The following SATL1 variants were observed in gnomAD, a reference collection of about 807,000 sequenced individuals.
SATL1 encodes the protein spermidine/spermine N1-acetyl transferase like 1, also known as spermidine/spermine N(1)-acetyltransferase-like protein 1.
In SATL1, 47 loss-of-function variants were observed where a neutral mutation model predicts 51.8. The ratio of observed to expected loss-of-function variants is 0.91; its 90% CI spans 0.72 to 1.16. The LOEUF is 1.16. SATL1 is among the 50% of genes most tolerant of loss of function. The pLI is 0.00. For missense variants in SATL1, 520 were observed against 526.4 expected, an observed-to-expected ratio of 0.99 and a Z score of 0.12; for synonymous variants, 176 against 182.4, an observed-to-expected ratio of 0.97 and a Z score of 0.28.
intron 2 of SATL1, among the ~76,000 whole-genome samples, chrX:85,201,365 C>A (rs2147750568): frequency 9.0e-6 from 1 of 111,136 alleles, no homozygotes; most frequent in African/African-American, 3.3e-5. Context: ...GCTTTTAAGG[C>A]CCAATTTTAA....
Position 85,108,915 on chromosome X carries a change from G to A in SATL1, c.54C>T (p.Gly18=), listed in dbSNP as rs1925185044. ...QSSLSDSNQA[G]INQPSTNSLG... ...GTGAGTTTGTGCTTGGCTGGTTTAT[G>A]CCTGCTTGGTTCGAGTCTGATAAAC... The change falls in exon 3 of 8, where the codon GGC becomes GGT. Residue 18 remains glycine, a synonymous_variant. Coordinates refer to ENST00000644105, the MANE Select transcript of SATL1 (RefSeq NM_001367857.2). 6 of 1,210,266 alleles carry A rather than the reference G, an allele frequency of 5.0e-6. No individual in the cohort carries two copies. The African/African-American group carries it at 5.2e-5, about 10-fold the overall frequency.
intron 2 of SATL1, among the ~76,000 whole-genome samples, chrX:85,122,807 C>A (rs1335575024): frequency 2.7e-5 from 3 of 111,250 alleles, no homozygotes; most frequent in African/African-American, 9.8e-5. Flanking sequence ...CTCACCCACT[C>A]CCCACACTTT....
intron 2 of SATL1, among the ~76,000 whole-genome samples, chrX:85,179,394 T>C (rs1314624815): frequency 8.9e-6 from 1 of 111,962 alleles, no homozygotes; most frequent in Non-Finnish European, 1.9e-5. Context: ...TTCCTCATTT[T>C]CCACTTTGGG....
chrX:85,196,999 T>A (rs763679407), intron 2 of SATL1, among the ~76,000 whole-genome samples: 68 of 111,482 alleles, frequency 6.1e-4, no homozygotes, highest in African/African-American at 2.2e-3. Flanking sequence ...AGACTGGAAA[T>A]GATCAAACTT....
intron 2 of SATL1, among the ~76,000 whole-genome samples, chrX:85,187,680 G>A (rs969823450): frequency 9.0e-6 from 1 of 111,264 alleles, no homozygotes; most frequent in African/African-American, 3.3e-5. Flanking sequence ...ATTTGATCAT[G>A]GTGTATTACC....
chrX:85,092,336 AG>A lies in SATL1; in HGVS notation c.*54del. 8.9e-7 allele frequency: 1 copy of A among 1,118,426 alleles called. No homozygotes were observed. Among genetic ancestry groups the A allele is most frequent in the African/African-American group, 1.8e-5 (1 of 54,825 alleles). 92.2% of individuals were successfully genotyped at this position (1,118,426 alleles called of 1,213,427 possible). On this transcript the variant is annotated 3_prime_UTR_variant, in exon 8 of 8. Coordinates refer to ENST00000644105, the MANE Select transcript of SATL1 (RefSeq NM_001367857.2). ...ACAAAGTCAAACTGCTGTTAGACTC[AG>A]GTGACAGTCAAATGTTGGAGGCTGT...
rs771466716 is a variant in SATL1 at position 85,108,309 on chromosome X, C to T, written c.660G>A (p.Gln220=). The T allele has an allele frequency of 2.5e-6, 3 of 1,208,689 alleles. No individual in the cohort carries two copies. The highest frequency in any genetic ancestry group is 3.4e-6 in the Non-Finnish European group (3 of 894,494). ...TTATGCCTGGTTGGCTGGGGACTTGCTGGCTCATGCCTGGTTGACTCATGT... is the reference window on the plus strand; with the variant it reads ...TTATGCCTGGTTGGCTGGGGACTTGTTGGCTCATGCCTGGTTGACTCATGT... ...HPDMSQPGMS[Q]QVPSQPGIRQ... Residue 220 remains glutamine, a synonymous_variant, in exon 3 of 8, where the codon CAG becomes CAA. Coordinates refer to ENST00000644105, the MANE Select transcript of SATL1 (RefSeq NM_001367857.2).
chrX:85,214,673 T>TA (rs1243034255), intron 2 of SATL1, among the ~76,000 whole-genome samples: 1 of 111,915 alleles, frequency 8.9e-6, no homozygotes, highest in Non-Finnish European at 1.9e-5. Flanking sequence ...CCTGTATAAT[T>TA]AAAAAACAAG....
At position 85,243,759 on chromosome X, in the gene SATL1, C is replaced by T; in HGVS notation, c.-606G>A. On this transcript the variant is annotated 5_prime_UTR_variant, in exon 1 of 8. Coordinates refer to ENST00000644105, the MANE Select transcript of SATL1 (RefSeq NM_001367857.2). ...ACAGAAAATCTTCCCACAGAAACTC[C>T]TCAGGGGCGCGCCGAGATCTGGGCT... The T allele has an allele frequency of 9.1e-6, 1 of 109,994 alleles. No homozygotes were observed. Among genetic ancestry groups the T allele is most frequent in the South Asian group, 4.0e-4 (1 of 2,475 alleles). 9.1% of individuals were successfully genotyped at this position (109,994 alleles called of 1,213,427 possible).
intron 2 of SATL1, among the ~76,000 whole-genome samples, chrX:85,124,567 C>T (rs4494047): frequency 0.14 from 15,544 of 110,669 alleles, 1,705 homozygotes; most frequent in African/African-American, 0.37. Context: ...ACTTAGCACC[C>T]ATATGTTGTG....
chrX:85,157,596 T>C (rs1193574648), intron 2 of SATL1, among the ~76,000 whole-genome samples: 1 of 111,033 alleles, frequency 9.0e-6, no homozygotes, highest in African/African-American at 3.3e-5. Context: ...AATCTCCGAG[T>C]TGACATTCTC....
intron 2 of SATL1, among the ~76,000 whole-genome samples, chrX:85,136,946 CTCTG>C (rs1925973301): frequency 1.8e-5 from 2 of 111,916 alleles, no homozygotes; most frequent in African/African-American, 3.3e-5. Context: ...CTCTCCCCAT[CTCTG>C]TCTGTCGCTC....
At chrX:85,110,006 G>A (rs1297463364) in intron 2 of SATL1, among the ~76,000 whole-genome samples, 7 of 111,516 alleles carry the variant, frequency 6.3e-5, no homozygotes, top group Admixed American at 5.7e-4. Context: ...GTGAAACTCC[G>A]TCTCAAAAAT....
At chrX:85,183,977 T>C (rs1476289484) in intron 2 of SATL1, among the ~76,000 whole-genome samples, 1 of 111,469 alleles carries the variant, frequency 9.0e-6, no homozygotes, top group East Asian at 2.8e-4. Context: ...GTCATTCTGC[T>C]CTCTATCATC....
At chrX:85,137,433 A>G in intron 2 of SATL1, among the ~76,000 whole-genome samples, 1 of 111,004 alleles carries the variant, frequency 9.0e-6, no homozygotes, top group Admixed American at 9.6e-5. Flanking sequence ...CTACAACTTT[A>G]TCTTCAAAAT....
At chrX:85,125,563 A>G (rs1925605992) in intron 2 of SATL1, among the ~76,000 whole-genome samples, 2 of 107,172 alleles carry the variant, frequency 1.9e-5, no homozygotes, top group Non-Finnish European at 1.9e-5. Context: ...ACAGAGAAGA[A>G]TGATAGAATT....
chrX:85,130,467 G>T (rs773353265), intron 2 of SATL1, among the ~76,000 whole-genome samples: 26 of 111,694 alleles, frequency 2.3e-4, no homozygotes, highest in African/African-American at 8.1e-4. Context: ...ATGGTAGTTT[G>T]TATTTCTGTG....
intron 2 of SATL1, among the ~76,000 whole-genome samples, chrX:85,213,941 T>A (rs943032359): frequency 9.0e-6 from 1 of 111,156 alleles, no homozygotes; most frequent in Non-Finnish European, 1.9e-5. Context: ...GAGGAAAGGG[T>A]AATATTGAGA....
intron 2 of SATL1, among the ~76,000 whole-genome samples, chrX:85,173,169 C>G (rs1023100340): frequency 6.3e-5 from 7 of 111,058 alleles, no homozygotes; most frequent in African/African-American, 2.3e-4. Flanking sequence ...GCAGGAGCCT[C>G]TTCTGTGAAA....
Sources: gnomAD v4.1 joint callset for allele counts (sites outside exome capture counted in the v4.1 genomes callset) on GRCh38, gnomAD v4.1.1 for gene constraint, MANE v1.5 for transcripts, NCBI Gene and HGNC (gene_info 2026-07-23, HGNC 2026-07-21) for gene names.